Variants in PIK3R5 observed in about 807,000 individuals in gnomAD.
PIK3R5 encodes the protein phosphoinositide 3-kinase regulatory subunit 5.
In PIK3R5, 32 loss-of-function variants were observed where a neutral mutation model predicts 94.9. That is an observed-to-expected ratio of 0.34 (90% CI 0.25 to 0.45). The LOEUF (loss-of-function observed/expected upper bound fraction) is 0.45, where lower values mean the gene tolerates loss of function less well. Among genes scored for constraint, PIK3R5 ranks in the 20% least tolerant of loss-of-function variants. The pLI, the probability that PIK3R5 is intolerant of heterozygous loss-of-function variation, is 1.00. For synonymous variants in PIK3R5, 443 were observed against 479.4 expected (o/e 0.92, Z 0.99); for missense variants, 853 against 1,144.6 (o/e 0.75, Z 3.68).
At position 8,909,028 on chromosome 17, in the gene PIK3R5, C is replaced by T. The variant is rs374246291; in HGVS notation, c.204+46G>A. ...CTCTGGGACCTATTTCTCCACTCTACGAGGCCGACCCCAGATCTGCCCTTC... is the reference window on the plus strand; with the variant it reads ...CTCTGGGACCTATTTCTCCACTCTATGAGGCCGACCCCAGATCTGCCCTTC... On this transcript the variant is annotated intron_variant, in intron 3 of 18. Coordinates refer to ENST00000447110, the MANE Select transcript of PIK3R5 (RefSeq NM_001142633.3). This position sits in a 1 kb window ranked among gnomAD's most constrained non-coding sequence, Gnocchi z 4.3. 24 of 1,222,546 alleles carry T rather than the reference C, an allele frequency of 2.0e-5. No individual in the cohort carries two copies. Among genetic ancestry groups the T allele is most frequent in the Middle Eastern group, 3.8e-4 (2 of 5,312 alleles). The allele number at this position is 1,222,546 out of a possible 1,614,324, so 75.7% of individuals were successfully genotyped here. A position where few individuals can be genotyped will look rare whatever the true frequency, so the allele number is the denominator to read the frequency against.
chr17:8,908,662 A>G (rs562979461), intron 3 of PIK3R5, among the ~76,000 whole-genome samples: 46 of 151,868 alleles, frequency 3.0e-4, no homozygotes, highest in African/African-American at 1.0e-3. Flanking sequence ...TCAGCACTAA[A>G]CCCATTCCTC....
In PIK3R5 at chr17:8,888,539, C is replaced by T. The variant is rs1167046038; in HGVS notation, c.1248G>A (p.Arg416=). The change falls in exon 10 of 19, where the codon AGG becomes AGA. Residue 416 remains arginine (R), a synonymous_variant. Coordinates refer to ENST00000447110, the MANE Select transcript of PIK3R5 (RefSeq NM_001142633.3). The surrounding 1 kb of genome is among the most constrained non-coding windows in gnomAD (Gnocchi z 7.8). ...AGATCCTGATGAACTTCTGCCCAGG[C>T]CTGCGGTGGCCTCGGCGTTCCTGGC... ...RGSQERRGHR[R]PGQKFIRIYK... 4 of 1,611,644 alleles carry T rather than the reference C, an allele frequency of 2.5e-6. No individual in the cohort carries two copies. The highest frequency in any genetic ancestry group is 3.4e-6 in the Non-Finnish European group (4 of 1,179,672).
chr17:8,933,193 T>C (rs1420329223), intron 1 of PIK3R5, among the ~76,000 whole-genome samples: 2 of 152,216 alleles, frequency 1.3e-5, no homozygotes, highest in Non-Finnish European at 2.9e-5. Flanking sequence ...AATGGTGTGA[T>C]TGAAATGTTT....
Position 8,911,620 on chromosome 17 carries a change from T to C in PIK3R5, c.-13-113A>G. ...CAGCGCGATCAGCCCAGCCCAGCTATAGCTCAGGTGCTGTGGAAACAGGAC... is the reference window on the plus strand; with the variant it reads ...CAGCGCGATCAGCCCAGCCCAGCTACAGCTCAGGTGCTGTGGAAACAGGAC... On this transcript the variant is annotated intron_variant, in intron 1 of 18. Transcript: ENST00000447110. The surrounding 1 kb of genome is among the most constrained non-coding windows in gnomAD (Gnocchi z 5.3). The C allele has an allele frequency of 3.0e-6, 2 of 673,018 alleles. No individual in the cohort carries two copies. Among genetic ancestry groups the C allele is most frequent in the Non-Finnish European group, 2.5e-6 (1 of 393,674 alleles). The allele number at this position is 673,018 out of a possible 1,614,324, so 41.7% of individuals were successfully genotyped here.
At chr17:8,963,424 C>T (rs981933220) in intron 1 of PIK3R5, among the ~76,000 whole-genome samples, 5 of 152,178 alleles carry the variant, frequency 3.3e-5, no homozygotes, top group Non-Finnish European at 7.3e-5. Context: ...TATGGAGCAG[C>T]CTGCACCCCT....
intron 1 of PIK3R5, among the ~76,000 whole-genome samples, chr17:8,931,503 T>G (rs1774176942): frequency 6.6e-6 from 1 of 152,222 alleles, no homozygotes. Context: ...GCTGGGTTTC[T>G]GCTGGAAGGC....
In PIK3R5 at chr17:8,884,567, A is replaced by C; in HGVS notation, c.2205+140T>G. The C allele has an allele frequency of 1.5e-6, 1 of 663,108 alleles. No individual in the cohort carries two copies. The highest frequency in any genetic ancestry group is 2.8e-5 in the East Asian group (1 of 36,076). 41.1% of individuals were successfully genotyped at this position (663,108 alleles called of 1,614,324 possible). A position where few individuals can be genotyped will look rare whatever the true frequency, so the allele number is the denominator to read the frequency against. ...CCTTCCCTTCTCTGCTTCTCTCAGCATCCAGGGGAGCCTGCTGCAGCCTTC... is the reference window on the plus strand; with the variant it reads ...CCTTCCCTTCTCTGCTTCTCTCAGCCTCCAGGGGAGCCTGCTGCAGCCTTC... On this transcript the variant is annotated intron_variant, in intron 15 of 18. Coordinates refer to ENST00000447110, the MANE Select transcript of PIK3R5 (RefSeq NM_001142633.3). This position sits in a 1 kb window ranked among gnomAD's most constrained non-coding sequence, Gnocchi z 5.8.
At chr17:8,964,853 G>T (rs1027946755) in intron 1 of PIK3R5, among the ~76,000 whole-genome samples, 1 of 152,094 alleles carries the variant, frequency 6.6e-6, no homozygotes, top group South Asian at 2.1e-4. Context: ...TCTCTACTCC[G>T]AGTCTTGTTA....
Position 8,935,564 on chromosome 17 carries a change from C to T in PIK3R5, c.-13-24057G>A, listed in dbSNP as rs1025849488. 6.6e-6 allele frequency among the ~76,000 whole-genome samples: 1 copy of T among 152,166 alleles called. No homozygotes were observed. Among genetic ancestry groups the T allele is most frequent in the African/African-American group, 2.4e-5 (1 of 41,430 alleles). On this transcript the variant is annotated intron_variant, in intron 1 of 18. Coordinates refer to ENST00000447110, the MANE Select transcript of PIK3R5 (RefSeq NM_001142633.3). This position sits in a 1 kb window ranked among gnomAD's most constrained non-coding sequence, Gnocchi z 4.5. ...GCTTCCCCGGAGCTGTTCCTAAGAC[C>T]TCAGAGTACAAATACAGGATAATTT...
Position 8,904,043 on chromosome 17 carries a change from AG to A in PIK3R5, c.412+733del, listed in dbSNP as rs968931583. Among the ~76,000 whole-genome samples the A allele has an allele frequency of 1.1e-4, 16 of 152,170 alleles. No individual in the cohort carries two copies. Among genetic ancestry groups the A allele is most frequent in the African/African-American group, 3.9e-4 (16 of 41,452 alleles). ...CTAGAGTAATCGTTTCCATATATTG[AG>A]GGGTTTTGAATATCAGGAATGATGA... is the stretch of plus-strand genomic sequence containing the variant. On this transcript the variant is annotated intron_variant, in intron 5 of 18. Coordinates refer to ENST00000447110, the MANE Select transcript of PIK3R5 (RefSeq NM_001142633.3). The surrounding 1 kb of genome is among the most constrained non-coding windows in gnomAD (Gnocchi z 5.1).
chr17:8,936,517 G>GT (rs1597418715), intron 1 of PIK3R5, among the ~76,000 whole-genome samples: 1 of 152,122 alleles, frequency 6.6e-6, no homozygotes, highest in Non-Finnish European at 1.5e-5. Flanking sequence ...ACAGTATGTA[G>GT]TTTTTTTCAG....
chr17:8,961,774 A>G (rs2091570585), intron 1 of PIK3R5, among the ~76,000 whole-genome samples: 1 of 152,182 alleles, frequency 6.6e-6, no homozygotes. Context: ...CCCAAAGTCT[A>G]GCAAGCCACT....
chr17:8,904,693 G>T lies in PIK3R5; in HGVS notation c.412+84C>A. 1 of 1,383,736 alleles carries T rather than the reference G, an allele frequency of 7.2e-7. No individual in the cohort carries two copies. The highest frequency in any genetic ancestry group is 1.0e-6 in the Non-Finnish European group (1 of 988,850). The allele number at this position is 1,383,736 out of a possible 1,614,324, so 85.7% of individuals were successfully genotyped here. A position where few individuals can be genotyped will look rare whatever the true frequency, so the allele number is the denominator to read the frequency against. ...GAATCAAAGGATGCAAGGTAAGGAGGGTCACAAAAAACAGTTTCAGAGGAG... is the reference window on the plus strand; with the variant it reads ...GAATCAAAGGATGCAAGGTAAGGAGTGTCACAAAAAACAGTTTCAGAGGAG... On this transcript the variant is annotated intron_variant, in intron 5 of 18. Transcript: ENST00000447110. The surrounding 1 kb of genome is among the most constrained non-coding windows in gnomAD (Gnocchi z 5.1).
intron 1 of PIK3R5, among the ~76,000 whole-genome samples, chr17:8,949,184 T>C (rs1164837648): frequency 3.3e-5 from 5 of 152,180 alleles, no homozygotes; most frequent in Non-Finnish European, 7.4e-5. Flanking sequence ...TGGGCTGGCA[T>C]GGTAGACTGT....
At position 8,888,954 on chromosome 17, in the gene PIK3R5, C is replaced by T. The variant is rs2151370870; in HGVS notation, c.896-63G>A. ...GGCCCCGGATCCCCTTCTATATTCC[C>T]TTTGGAGGGGAGACAGCAGGACTCA... On this transcript the variant is annotated intron_variant, in intron 9 of 18. Coordinates refer to ENST00000447110, the MANE Select transcript of PIK3R5 (RefSeq NM_001142633.3). The surrounding 1 kb of genome is among the most constrained non-coding windows in gnomAD (Gnocchi z 7.8). The T allele has an allele frequency of 6.5e-7, 1 of 1,547,132 alleles. No homozygotes were observed. The highest frequency in any genetic ancestry group is 8.7e-7 in the Non-Finnish European group (1 of 1,151,228).
rs1490651001 is a variant in PIK3R5 at position 8,911,918 on chromosome 17, C to A, written c.-13-411G>T. 1 of 156,496 alleles carries A rather than the reference C, an allele frequency of 6.4e-6. No homozygotes were observed. Among genetic ancestry groups the A allele is most frequent in the Non-Finnish European group, 1.4e-5 (1 of 70,552 alleles). 9.7% of individuals were successfully genotyped at this position (156,496 alleles called of 1,614,324 possible). On this transcript the variant is annotated intron_variant, in intron 1 of 18. Coordinates refer to ENST00000447110, the MANE Select transcript of PIK3R5 (RefSeq NM_001142633.3). The surrounding 1 kb of genome is among the most constrained non-coding windows in gnomAD (Gnocchi z 5.3). ...TTTCTGAATTTCCAGGCTGTGTTTTCCAAACCTCCAGGGATGGGGCAGAGA... is the reference window on the plus strand; with the variant it reads ...TTTCTGAATTTCCAGGCTGTGTTTTACAAACCTCCAGGGATGGGGCAGAGA...
In PIK3R5 at chr17:8,881,062, C is replaced by T. The variant is rs1398704451; in HGVS notation, c.2383-45G>A. The T allele has an allele frequency of 1.6e-5, 22 of 1,387,694 alleles. No individual in the cohort carries two copies. Among genetic ancestry groups the T allele is most frequent in the Non-Finnish European group, 2.2e-5 (21 of 973,174 alleles). The allele number at this position is 1,387,694 out of a possible 1,614,324, so 86.0% of individuals were successfully genotyped here. On this transcript the variant is annotated intron_variant, in intron 17 of 18. Coordinates refer to ENST00000447110, the MANE Select transcript of PIK3R5 (RefSeq NM_001142633.3). This position sits in a 1 kb window ranked among gnomAD's most constrained non-coding sequence, Gnocchi z 4.8. ...CAGCCCCAAATCCCTGGCCATCCAA[C>T]ACTGCCAGCCCCTGGCAGTTCCTTT... is the stretch of plus-strand genomic sequence containing the variant.
intron 1 of PIK3R5, among the ~76,000 whole-genome samples, chr17:8,951,549 T>C (rs1225622209): frequency 6.6e-6 from 1 of 152,270 alleles, no homozygotes; most frequent in Non-Finnish European, 1.5e-5. Context: ...GTCTTCAAGG[T>C]TCATGCATAT....
chr17:8,884,892 AC>A lies in PIK3R5; in HGVS notation c.2129-110del. ...TACCTCCCCATCCCCTACCACATGG[AC>A]CGTGACTCCCTAGGGATCTGTCTCA... On this transcript the variant is annotated intron_variant, in intron 14 of 18. Coordinates refer to ENST00000447110, the MANE Select transcript of PIK3R5 (RefSeq NM_001142633.3). This position sits in a 1 kb window ranked among gnomAD's most constrained non-coding sequence, Gnocchi z 5.8. The A allele has an allele frequency of 1.2e-6, 1 of 841,986 alleles. No homozygotes were observed. Among genetic ancestry groups the A allele is most frequent in the Middle Eastern group, 2.2e-4 (1 of 4,520 alleles). The allele number at this position is 841,986 out of a possible 1,614,324, so 52.2% of individuals were successfully genotyped here.
Sources: allele counts gnomAD v4.1 joint callset (sites outside exome capture counted in the v4.1 genomes callset), GRCh38; gene constraint gnomAD v4.1.1; non-coding constraint Gnocchi (gnomAD v3.1); transcripts MANE v1.5; gene names NCBI Gene and HGNC (gene_info 2026-07-23, HGNC 2026-07-21).